OTOGL: variants seen among roughly 807,000 people sequenced by gnomAD.
The protein encoded by OTOGL is otogelin like.
A neutral mutation model predicts 318.5 loss-of-function variants in OTOGL; 285 were observed. That is an observed-to-expected ratio of 0.89 (90% CI 0.81 to 0.99). OTOGL has a LOEUF of 0.99. Among genes scored for constraint, OTOGL ranks in the 50% least tolerant of loss-of-function variants. OTOGL has a pLI of 0.00. For missense variants in OTOGL, 2,899 were observed against 2,845.6 expected, an observed-to-expected ratio of 1.02 and a Z score of -0.43; for synonymous variants, 987 against 936.5, an observed-to-expected ratio of 1.05 and a Z score of -0.99.
chr12:80,240,013 A>G (rs1880237100), intron 11 of OTOGL, among the ~76,000 whole-genome samples: 1 of 152,110 alleles, frequency 6.6e-6, no homozygotes, highest in African/African-American at 2.4e-5. Flanking sequence ...TTCACTTAAC[A>G]TAGTGACCTC....
intron 21 of OTOGL, 33 bp from the exon 22 acceptor site, chr12:80,267,220 G>A (rs756180194): frequency 2.2e-6 from 3 of 1,388,336 alleles, no homozygotes; most frequent in Admixed American, 2.1e-5. Context: ...GAAAAAAATT[G>A]TATCCTATTT....
chr12:80,161,799 A>G (rs921298735), intron 1 of OTOGL, among the ~76,000 whole-genome samples: 7 of 152,152 alleles, frequency 4.6e-5, no homozygotes, highest in Non-Finnish European at 8.8e-5. Flanking sequence ...TGTTATGAAG[A>G]CAGCATGTGA....
At chr12:80,280,673 G>C (rs151115202) in intron 26 of OTOGL, among the ~76,000 whole-genome samples, 292 of 151,996 alleles carry the variant, frequency 1.9e-3, no homozygotes, top group African/African-American at 6.7e-3. Flanking sequence ...CCAGTACCAT[G>C]CTGTTTTGGT....
intron 1 of OTOGL, among the ~76,000 whole-genome samples, chr12:80,152,399 A>G (rs1197879999): frequency 6.6e-6 from 1 of 152,206 alleles, no homozygotes; most frequent in Non-Finnish European, 1.5e-5. Flanking sequence ...GAAGATGCTG[A>G]GATCTTCCCT....
intron 1 of OTOGL, among the ~76,000 whole-genome samples, chr12:80,145,578 T>C (rs1592491954): frequency 6.6e-6 from 1 of 151,988 alleles, no homozygotes; most frequent in Non-Finnish European, 1.5e-5. Context: ...AAAGTAGTTT[T>C]TTCCAATTCC....
At chr12:80,238,775 G>A in intron 9 of OTOGL, 76 bp from the exon 10 acceptor site, 1 of 1,317,552 alleles carries the variant, frequency 7.6e-7, no homozygotes, top group Non-Finnish European at 9.7e-7. Context: ...TTGTGTTGAA[G>A]AACCATGTCT....
rs529649566 is a variant in OTOGL at position 80,147,516 on chromosome 12, A to G, written c.-20+47911A>G. Among the ~76,000 whole-genome samples, 390 of 151,554 alleles carry G rather than the reference A, an allele frequency of 2.6e-3. 2 individuals carry two copies. The highest frequency in any genetic ancestry group is 9.1e-3 in the African/African-American group (373 of 40,920). Reference sequence around the variant, plus strand: ...GGAATAGGTGTGGTGTGGTGCTGAAAAAAATGTATATTCTGGTGATTTGGG... The same window carrying G: ...GGAATAGGTGTGGTGTGGTGCTGAAGAAAATGTATATTCTGGTGATTTGGG... On this transcript the variant is annotated intron_variant, in intron 1 of 58. Coordinates refer to ENST00000547103, the MANE Select transcript of OTOGL (RefSeq NM_001378609.3).
chr12:80,316,448 T>A (rs1886978924), intron 32 of OTOGL, among the ~76,000 whole-genome samples: 1 of 152,220 alleles, frequency 6.6e-6, no homozygotes, highest in Non-Finnish European at 1.5e-5. Context: ...TACCTCTTGC[T>A]ACTTGCTACA....
chr12:80,314,268 C>T, intron 31 of OTOGL, 37 bp from the exon 32 acceptor site: 3 of 807,906 alleles, frequency 3.7e-6, no homozygotes, highest in Non-Finnish European at 5.1e-6. Context: ...TGATTGACTT[C>T]TTACATAGTT....
At chr12:80,226,028 T>G (rs1162454056) in intron 7 of OTOGL, among the ~76,000 whole-genome samples, 1 of 152,114 alleles carries the variant, frequency 6.6e-6, no homozygotes. Context: ...AGACAATTAC[T>G]TCAACTAATT....
intron 52 of OTOGL, among the ~76,000 whole-genome samples, chr12:80,359,572 A>G (rs1271545304): frequency 1.3e-5 from 2 of 152,196 alleles, no homozygotes; most frequent in African/African-American, 4.8e-5. Flanking sequence ...CACTTAGAGA[A>G]TTCTTTCAGA....
In OTOGL at chr12:80,296,869, A is replaced by G. The variant is rs1336960368; in HGVS notation, c.2971A>G (p.Lys991Glu). 10 of 1,528,822 alleles carry G rather than the reference A, an allele frequency of 6.5e-6. No homozygotes were observed. The highest frequency in any genetic ancestry group is 8.8e-6 in the Non-Finnish European group (10 of 1,139,418). 94.7% of individuals were successfully genotyped at this position (1,528,822 alleles called of 1,614,324 possible). A position where few individuals can be genotyped will look rare whatever the true frequency, so the allele number is the denominator to read the frequency against. ...TATATCTGTCATTGCCCAGAACAAG[A>G]AATGCTTTGACAACGATATTGTTTG... ...SDISVIAQNK[K>E]CFDNDIVCSK... Residue 991 changes from lysine to glutamate, a missense_variant, in exon 27 of 59, where the codon AAA (lysine) becomes GAA (glutamate). Lys to Glu is a moderately conservative substitution (Grantham distance 56, BLOSUM62 1). Around this residue, in one of 3 missense-constraint regions of OTOGL, gnomAD observed 2,607 missense variants for 2,524.9 expected, o/e 1.03. Coordinates refer to ENST00000547103, the MANE Select transcript of OTOGL (RefSeq NM_001378609.3).
chr12:80,159,879 G>A (rs779477222), intron 1 of OTOGL, among the ~76,000 whole-genome samples: 6 of 151,782 alleles, frequency 4.0e-5, no homozygotes, highest in Non-Finnish European at 5.9e-5. Context: ...CCAAAACAGC[G>A]TGGTACTTGT....
chr12:80,262,208 A>T, intron 19 of OTOGL, 115 bp downstream of exon 19: 3 of 1,080,090 alleles, frequency 2.8e-6, no homozygotes, highest in Non-Finnish European at 3.7e-6. Context: ...ATTATGGTAA[A>T]ATCAATGCCA....
chr12:80,308,571 C>T lies in OTOGL; in HGVS notation c.3334-2040C>T, dbSNP rs960244466. On this transcript the variant is annotated intron_variant, in intron 29 of 58. Transcript: ENST00000547103. ...CTCACTTCCCAGACGGGGTGGCGGCCGGGCAGAGGCTGCAATCTCGGCACT... is the reference window on the plus strand; with the variant it reads ...CTCACTTCCCAGACGGGGTGGCGGCTGGGCAGAGGCTGCAATCTCGGCACT... Among the ~76,000 whole-genome samples, 11 of 152,156 alleles carry T rather than the reference C, an allele frequency of 7.2e-5. No individual in the cohort carries two copies. In the South Asian group the frequency reaches 1.7e-3, roughly 23 times the overall value.
intron 1 of OTOGL, among the ~76,000 whole-genome samples, chr12:80,163,350 C>G (rs1312040167): frequency 1.3e-5 from 2 of 151,998 alleles, no homozygotes; most frequent in African/African-American, 4.8e-5. Flanking sequence ...ATGACAGAAT[C>G]CTCTCTGTAA....
Position 80,372,009 on chromosome 12 carries a change from C to G in OTOGL, c.6736-10C>G, listed in dbSNP as rs745897911. 5.3e-6 allele frequency: 8 copies of G among 1,518,596 alleles called. No individual in the cohort carries two copies. In the South Asian group the frequency reaches 1.0e-4, roughly 20 times the overall value. 94.1% of individuals were successfully genotyped at this position (1,518,596 alleles called of 1,614,324 possible). ...TATTCTTTGACTTTATTGCTTTTTTCTCTTTCTAGAATGAAGGGATTGTGA... is the reference window on the plus strand; with the variant it reads ...TATTCTTTGACTTTATTGCTTTTTTGTCTTTCTAGAATGAAGGGATTGTGA... On this transcript the variant is annotated splice_polypyrimidine_tract_variant and intron_variant, in intron 56 of 58. Coordinates refer to ENST00000547103, the MANE Select transcript of OTOGL (RefSeq NM_001378609.3).
intron 4 of OTOGL, among the ~76,000 whole-genome samples, chr12:80,214,318 G>A (rs1877515996): frequency 6.6e-6 from 1 of 152,242 alleles, no homozygotes; most frequent in South Asian, 2.1e-4. Context: ...GCTTTCTGCT[G>A]TAGGCAGCTG....
intron 1 of OTOGL, chr12:80,131,845 T>G (rs1871259779): frequency 6.6e-6 from 1 of 152,216 alleles, no homozygotes; most frequent in African/African-American, 2.4e-5. Context: ...TTTCCTGAAG[T>G]TTTACAGAAG....
Sources: gnomAD v4.1 joint callset for allele counts (sites outside exome capture counted in the v4.1 genomes callset) on GRCh38, gnomAD v4.1.1 for gene constraint, gnomAD v4.1.1 regional missense constraint, MANE v1.5 for transcripts, NCBI Gene and HGNC (gene_info 2026-07-23, HGNC 2026-07-21) for gene names.